CDIP1: variants seen among roughly 807,000 people sequenced by gnomAD.
The protein encoded by CDIP1 is cell death inducing p53 target 1, also known as cell death-inducing p53-target protein 1.
CDIP1 carries 9 observed loss-of-function variants against 17.7 expected under a neutral mutation model. The observed-to-expected ratio is 0.51, with a 90% CI of 0.31 to 0.89. The LOEUF (loss-of-function observed/expected upper bound fraction) is 0.89, where lower values mean the gene tolerates loss of function less well. Ranked by LOEUF, CDIP1 falls within the 40% of genes least tolerant of loss-of-function variation. The pLI is 0.05. For missense variants in CDIP1, 263 were observed against 277.9 expected, an observed-to-expected ratio of 0.95 and a Z score of 0.38; for synonymous variants, 117 against 109.5, an observed-to-expected ratio of 1.07 and a Z score of -0.43.
At chr16:4,517,747 CA>C (rs777756237) in intron 1 of CDIP1, among the ~76,000 whole-genome samples, 18 of 88,876 alleles carry the variant, frequency 2.0e-4, no homozygotes, top group South Asian at 7.2e-4. Context: ...TCTCAAAAAA[CA>C]AAAAAAAAAA....
Position 4,512,973 on chromosome 16 carries a change from G to A in CDIP1, c.333C>T (p.His111=). 1 of 1,588,590 alleles carries A rather than the reference G, an allele frequency of 6.3e-7. No homozygotes were observed. Among genetic ancestry groups the A allele is most frequent in the Non-Finnish European group, 8.6e-7 (1 of 1,168,712 alleles). ...TPGPYPGPGG[H]TATVLVPSGA... is the part of the protein sequence containing the mutation. Reference sequence around the variant, plus strand: ...CTGAAGGGACCAGGACTGTGGCTGTGTGGCCCCCAGGGCCAGGGTAGGGCC... The same window carrying A: ...CTGAAGGGACCAGGACTGTGGCTGTATGGCCCCCAGGGCCAGGGTAGGGCC... Residue 111 remains histidine (H), a synonymous_variant, in exon 5 of 6, where the codon CAC becomes CAT. Transcript: ENST00000567695. The surrounding 1 kb of genome is among the most constrained non-coding windows in gnomAD (Gnocchi z 4.6).
In CDIP1 at chr16:4,511,826, G is replaced by A. The variant is rs1417068401; in HGVS notation, c.*746C>T. 6.5e-6 allele frequency: 1 copy of A among 152,786 alleles called. No individual in the cohort carries two copies. Among genetic ancestry groups the A allele is most frequent in the Non-Finnish European group, 1.5e-5 (1 of 68,556 alleles). The allele number at this position is 152,786 out of a possible 1,614,324, so 9.5% of individuals were successfully genotyped here. ...GCCCCAGCAATACAGGGTTCACAGA[G>A]GCATGGCCTGAAAGGGGGTCTGCAC... On this transcript the variant is annotated 3_prime_UTR_variant, in exon 6 of 6. Transcript: ENST00000567695.
intron 1 of CDIP1, among the ~76,000 whole-genome samples, chr16:4,516,826 G>T (rs1017881657): frequency 2.0e-5 from 3 of 147,516 alleles, no homozygotes; most frequent in Non-Finnish European, 3.0e-5. Flanking sequence ...TCCTGCCTCA[G>T]CCTCCCAAGT....
chr16:4,538,575 G>T (rs2059136867), intron 1 of CDIP1, 127 bp downstream of exon 1: 1 of 152,396 alleles, frequency 6.6e-6, no homozygotes, highest in African/African-American at 2.4e-5. Flanking sequence ...GCCGCGGGCG[G>T]GGGCGGGGAG....
rs2058855994 is a variant in CDIP1, at chr16:4,513,597, GC to G, written c.241+98del. 1 of 1,061,482 alleles carries G rather than the reference GC, an allele frequency of 9.4e-7. No homozygotes were observed. The highest frequency in any genetic ancestry group is 1.6e-5 in the African/African-American group (1 of 63,130). 65.8% of individuals were successfully genotyped at this position (1,061,482 alleles called of 1,614,324 possible). ...GCTGGTTGGGCGTGTTGGAGTCCCT[GC>G]CCTACAGCAGATGCCCACCTGTACT... On this transcript the variant is annotated intron_variant, in intron 4 of 5. Transcript: ENST00000567695. The surrounding 1 kb of genome is among the most constrained non-coding windows in gnomAD (Gnocchi z 4.1).
At chr16:4,532,824 T>C (rs1213943251) in intron 1 of CDIP1, 2 of 152,212 alleles carry the variant, frequency 1.3e-5, no homozygotes, top group African/African-American at 4.8e-5. Flanking sequence ...AGCTTGACCA[T>C]GCTGGGGACA....
In CDIP1 at chr16:4,512,698, G is replaced by C; in HGVS notation, c.516-15C>G. 4 of 1,610,290 alleles carry C rather than the reference G, an allele frequency of 2.5e-6. No homozygotes were observed. The highest frequency in any genetic ancestry group is 1.7e-6 in the Non-Finnish European group (2 of 1,176,828). ...CCAGATCACATCTGAATCAGAGACA[G>C]GGAAGAACAGGCTGAGGCCTGCTGC... On this transcript the variant is annotated splice_polypyrimidine_tract_variant and intron_variant, in intron 5 of 5. Coordinates refer to ENST00000567695, the MANE Select transcript of CDIP1 (RefSeq NM_013399.3). The surrounding 1 kb of genome is among the most constrained non-coding windows in gnomAD (Gnocchi z 4.6).
Position 4,514,062 on chromosome 16 carries a change from T to C in CDIP1, c.69A>G (p.Gly23=). 1 of 1,522,012 alleles carries C rather than the reference T, an allele frequency of 6.6e-7. No homozygotes were observed. Among genetic ancestry groups the C allele is most frequent in the Admixed American group, 2.5e-5 (1 of 39,690 alleles). 94.3% of individuals were successfully genotyped at this position (1,522,012 alleles called of 1,614,324 possible). Residue 23 remains glycine (G), a synonymous_variant, in exon 3 of 6, where the codon GGA becomes GGG. Coordinates refer to ENST00000567695, the MANE Select transcript of CDIP1 (RefSeq NM_013399.3). This position sits in a 1 kb window ranked among gnomAD's most constrained non-coding sequence, Gnocchi z 5.2. Reference sequence around the variant, plus strand: ...ACCCCCTACCTGGGGTGGGCGGGGCTCCACTTTTCTCTTCCAGAAGTGGGG... The same window carrying C: ...ACCCCCTACCTGGGGTGGGCGGGGCCCCACTTTTCTCTTCCAGAAGTGGGG... ...PTAPLLEEKS[G]APPTPGRSSP...
chr16:4,529,401 C>T (rs373400376), intron 1 of CDIP1, among the ~76,000 whole-genome samples: 2 of 152,210 alleles, frequency 1.3e-5, no homozygotes, highest in African/African-American at 2.4e-5. Context: ...CCTCCCAACT[C>T]GCCCAGTGAT....
In CDIP1 at chr16:4,512,977, C is replaced by A. The variant is rs2058848103; in HGVS notation, c.329G>T (p.Gly110Val). The A allele has an allele frequency of 1.3e-6, 2 of 1,588,588 alleles. No individual in the cohort carries two copies. Among genetic ancestry groups the A allele is most frequent in the African/African-American group, 1.3e-5 (1 of 74,870 alleles). The change falls in exon 5 of 6, where the codon GGC (glycine) becomes GTC (valine). Residue 110 changes from glycine to valine, a missense_variant. By Grantham distance (109) the Gly-to-Val change is moderately radical (BLOSUM62 -3). Transcript: ENST00000567695. The surrounding 1 kb of genome is among the most constrained non-coding windows in gnomAD (Gnocchi z 4.6). Reference protein sequence around the residue: ...YTPGPYPGPGGHTATVLVPSG... With the variant: ...YTPGPYPGPGVHTATVLVPSG... The stretch of plus-strand genomic sequence containing the variant: ...AGGGACCAGGACTGTGGCTGTGTGG[C>A]CCCCAGGGCCAGGGTAGGGCCCTGG...
chr16:4,529,773 G>C (rs1358475140), intron 1 of CDIP1, among the ~76,000 whole-genome samples: 4 of 152,198 alleles, frequency 2.6e-5, no homozygotes, highest in African/African-American at 9.6e-5. Context: ...TGTTGGATGA[G>C]ATCAAGACAC....
chr16:4,516,696 TC>T (rs1218470538), intron 1 of CDIP1, among the ~76,000 whole-genome samples: 3 of 127,166 alleles, frequency 2.4e-5, no homozygotes, highest in Non-Finnish European at 4.9e-5. Context: ...CAGTTTTAAA[TC>T]CTTTTTTTTT....
Position 4,533,888 on chromosome 16 carries a change from G to C in CDIP1, c.-105+4814C>G, listed in dbSNP as rs1020474547. On this transcript the variant is annotated intron_variant, in intron 1 of 5. Coordinates refer to ENST00000567695, the MANE Select transcript of CDIP1 (RefSeq NM_013399.3). ...ATTGTTGGGCCCTGCTTGGTGCCTA[G>C]TCCATGTGTGTTGAAGAAATGAGTG... Among the ~76,000 whole-genome samples the C allele has an allele frequency of 1.2e-4, 18 of 152,126 alleles. 1 individual carries two copies. Among genetic ancestry groups the C allele is most frequent in the Non-Finnish European group, 2.9e-5 (2 of 68,042 alleles).
At position 4,513,868 on chromosome 16, in the gene CDIP1, A is replaced by G. The variant is rs765211382; in HGVS notation, c.86-17T>C. ...AGGAACGGCCTGGACAGAGAGAGGC[A>G]GAAAGAGGAGACTGAGCTGGAGCCT... On this transcript the variant is annotated splice_polypyrimidine_tract_variant and intron_variant, in intron 3 of 5. Transcript: ENST00000567695. This position sits in a 1 kb window ranked among gnomAD's most constrained non-coding sequence, Gnocchi z 4.1. 3 of 1,544,636 alleles carry G rather than the reference A, an allele frequency of 1.9e-6. No homozygotes were observed. The highest frequency in any genetic ancestry group is 2.6e-6 in the Non-Finnish European group (3 of 1,148,096).
At chr16:4,531,734 C>G (rs1251755230) in intron 1 of CDIP1, among the ~76,000 whole-genome samples, 1 of 152,264 alleles carries the variant, frequency 6.6e-6, no homozygotes, top group Non-Finnish European at 1.5e-5. Flanking sequence ...ACATCACTGT[C>G]AGCCCTGTTT....
chr16:4,513,782 G>C lies in CDIP1; in HGVS notation c.155C>G (p.Pro52Arg), dbSNP rs527596671. Reference protein sequence around the residue: ...MPLPPADIGPPPYEPPGHPMP... With the variant: ...MPLPPADIGPRPYEPPGHPMP... ...TGGGTGACCCGGCGGCTCATAGGGT[G>C]GGGGGCCAATGTCCGCAGGGGGCAG... is the stretch of plus-strand genomic sequence containing the variant. The change falls in exon 4 of 6, where the codon CCA (proline) becomes CGA (arginine). Residue 52 changes from proline to arginine, a missense_variant. Pro to Arg is a moderately radical substitution (Grantham distance 103). Coordinates refer to ENST00000567695, the MANE Select transcript of CDIP1 (RefSeq NM_013399.3). This position sits in a 1 kb window ranked among gnomAD's most constrained non-coding sequence, Gnocchi z 4.1. 5.0e-6 allele frequency: 8 copies of C among 1,607,090 alleles called. No homozygotes were observed. The highest frequency in any genetic ancestry group is 6.8e-6 in the Non-Finnish European group (8 of 1,174,914).
In CDIP1 at chr16:4,512,816, G is replaced by A. The variant is rs768782462; in HGVS notation, c.490C>T (p.Leu164=). ...CCCATGAAGCAACAGAAGAAACCCA[G>A]CACGAAATTCATCAAGCCAATCTCG... is the stretch of plus-strand genomic sequence containing the variant. ...SYEIGLMNFV[L]GFFCCFMGCD... is the part of the protein sequence containing the mutation. The change falls in exon 5 of 6, where the codon CTG becomes TTG. Residue 164 remains leucine (L), a synonymous_variant. Transcript: ENST00000567695. This position sits in a 1 kb window ranked among gnomAD's most constrained non-coding sequence, Gnocchi z 4.6. 5.1e-6 allele frequency: 8 copies of A among 1,568,066 alleles called. No homozygotes were observed. The South Asian group carries it at 8.1e-5, about 16-fold the overall frequency.
In CDIP1 at chr16:4,531,886, C is replaced by T. The variant is rs193150536; in HGVS notation, c.-105+6816G>A. On this transcript the variant is annotated intron_variant, in intron 1 of 5. Coordinates refer to ENST00000567695, the MANE Select transcript of CDIP1 (RefSeq NM_013399.3). ...TCCATTTACATAGATTTCATGGTAC[C>T]CAGGACAAAAAGCTGAAGTGGCAGT... Among the ~76,000 whole-genome samples, 157 of 152,340 alleles carry T rather than the reference C, an allele frequency of 1.0e-3. 1 individual carries two copies. The highest frequency in any genetic ancestry group is 1.8e-3 in the Non-Finnish European group (121 of 68,036).
At chr16:4,530,115 T>C (rs2059040000) in intron 1 of CDIP1, among the ~76,000 whole-genome samples, 1 of 152,226 alleles carries the variant, frequency 6.6e-6, no homozygotes, top group African/African-American at 2.4e-5. Flanking sequence ...AGATCTCTCA[T>C]GTTACAGGGC....
Sources: gnomAD v4.1 joint callset for allele counts (sites outside exome capture counted in the v4.1 genomes callset) on GRCh38, gnomAD v4.1.1 for gene constraint, Gnocchi (gnomAD v3.1) non-coding constraint, MANE v1.5 for transcripts, NCBI Gene and HGNC (gene_info 2026-07-23, HGNC 2026-07-21) for gene names.